BICD1: variants seen among roughly 807,000 people sequenced by gnomAD.
The protein encoded by BICD1 is protein bicaudal D homolog 1.
In BICD1, 35 loss-of-function variants were observed where a neutral mutation model predicts 92.5. That is an observed-to-expected ratio of 0.38 (90% CI 0.29 to 0.50). The LOEUF is 0.50. Among genes scored for constraint, BICD1 ranks in the 20% least tolerant of loss-of-function variants. The probability of loss-of-function intolerance (pLI) is 0.93; values close to 1 mark genes in which losing one functional copy is unlikely to be tolerated. For synonymous variants in BICD1, 429 were observed against 465.1 expected, an observed-to-expected ratio of 0.92 and a Z score of 1.00; for missense variants, 950 against 1,189.8, an observed-to-expected ratio of 0.80 and a Z score of 2.97.
rs1947611837 is a variant in BICD1, at chr12:32,287,745, G to A, written c.427-6249G>A. ...GTAGAAACGAGGTTTCACCGTGTTA[G>A]CCAGGATGATCTCGATCTCTTGACC... is the stretch of plus-strand genomic sequence containing the variant. On this transcript the variant is annotated intron_variant, in intron 2 of 9. Transcript: ENST00000652176. Among the ~76,000 whole-genome samples the A allele has an allele frequency of 2.0e-5, 3 of 152,246 alleles. No individual in the cohort carries two copies. The South Asian group carries it at 6.2e-4, about 32-fold the overall frequency.
At chr12:32,159,667 G>T (rs55802552) in intron 1 of BICD1, among the ~76,000 whole-genome samples, 8 of 152,078 alleles carry the variant, frequency 5.3e-5, no homozygotes, top group Non-Finnish European at 1.2e-4. Flanking sequence ...CCAGAGACCC[G>T]GTATTTGGTG....
At chr12:32,121,639 G>A (rs1233092580) in intron 1 of BICD1, among the ~76,000 whole-genome samples, 2 of 150,948 alleles carry the variant, frequency 1.3e-5, no homozygotes, top group Non-Finnish European at 3.0e-5. Flanking sequence ...AAAGCGCTGA[G>A]GTGGAAGGAT....
chr12:32,327,072 T>C (rs887381149), intron 4 of BICD1, among the ~76,000 whole-genome samples: 15 of 152,180 alleles, frequency 9.9e-5, no homozygotes, highest in African/African-American at 3.6e-4. Context: ...CAGTCACTTA[T>C]GATCTGAAAA....
intron 2 of BICD1, among the ~76,000 whole-genome samples, chr12:32,237,103 A>G (rs543511578): frequency 6.6e-6 from 1 of 151,914 alleles, no homozygotes; most frequent in Non-Finnish European, 1.5e-5. Flanking sequence ...TCTCGATCTG[A>G]TCTCCTGACC....
chr12:32,219,862 CCA>C (rs1416964853), intron 2 of BICD1, among the ~76,000 whole-genome samples: 1 of 151,992 alleles, frequency 6.6e-6, no homozygotes, highest in Non-Finnish European at 1.5e-5. Context: ...GCTACAGTAA[CCA>C]AAACAGCATG....
intron 8 of BICD1, among the ~76,000 whole-genome samples, chr12:32,360,669 A>G (rs1218382983): frequency 6.6e-6 from 1 of 152,200 alleles, no homozygotes; most frequent in African/African-American, 2.4e-5. Flanking sequence ...AGAGAAATCA[A>G]TTCTAGAGGA....
intron 1 of BICD1, among the ~76,000 whole-genome samples, chr12:32,199,859 T>C (rs535611233): frequency 1.3e-5 from 2 of 152,300 alleles, no homozygotes; most frequent in East Asian, 3.9e-4. Flanking sequence ...AAAACTCGTT[T>C]AATCCTAAAT....
Position 32,107,851 on chromosome 12 carries a change from T to C in BICD1, c.213+307T>C. On this transcript the variant is annotated intron_variant, in intron 1 of 9. Transcript: ENST00000652176. The stretch of plus-strand genomic sequence containing the variant: ...CGACATTCAAGTGGGTTGGAATGTA[T>C]AAATCAAACTTCTCAAAACCGCTGT... 3 of 640,480 alleles carry C rather than the reference T, an allele frequency of 4.7e-6. No homozygotes were observed. In the East Asian group the frequency reaches 8.2e-5, roughly 18 times the overall value. 39.7% of individuals were successfully genotyped at this position (640,480 alleles called of 1,614,324 possible).
At chr12:32,144,672 A>G (rs887778521) in intron 1 of BICD1, among the ~76,000 whole-genome samples, 1 of 152,256 alleles carries the variant, frequency 6.6e-6, no homozygotes, top group African/African-American at 2.4e-5. Flanking sequence ...TTAATATTCT[A>G]TCTACTTGCA....
chr12:32,334,634 C>G lies in BICD1; in HGVS notation c.2219C>G (p.Thr740Ser). 1.2e-6 allele frequency: 2 copies of G among 1,612,614 alleles called. No homozygotes were observed. Among genetic ancestry groups the G allele is most frequent in the Admixed American group, 3.3e-5 (2 of 59,838 alleles). Residue 740 changes from threonine (T) to serine (S), a missense_variant, in exon 6 of 10, where the codon ACC becomes AGC. Physicochemically the swap from Thr to Ser is moderately conservative, Grantham distance 58. This residue lies in a region of BICD1 where 309 missense variants were observed against 499.4 expected (regional missense o/e 0.62). Coordinates refer to ENST00000652176, the MANE Select transcript of BICD1 (RefSeq NM_001714.4). ...ELKALKEDAATFSSLRAMFAT... is the reference protein window; with the variant it reads ...ELKALKEDAASFSSLRAMFAT... The stretch of plus-strand genomic sequence containing the variant: ...AAGGCTTTGAAAGAAGATGCTGCAA[C>G]CTTCTCATCCCTGAGAGCAATGTTT...
intron 8 of BICD1, among the ~76,000 whole-genome samples, chr12:32,359,521 CATTA>C (rs1461229942): frequency 4.3e-5 from 2 of 46,736 alleles, no homozygotes; most frequent in Non-Finnish European, 1.2e-4. Flanking sequence ...CCCATGAATC[CATTA>C]ACCCATGAAT....
chr12:32,226,834 C>T (rs950300332), intron 2 of BICD1, among the ~76,000 whole-genome samples: 2 of 152,244 alleles, frequency 1.3e-5, no homozygotes, highest in African/African-American at 4.8e-5. Context: ...TCCCCAGCTG[C>T]GGTGACCTTG....
At chr12:32,148,857 T>C (rs767941871) in intron 1 of BICD1, among the ~76,000 whole-genome samples, 1 of 151,974 alleles carries the variant, frequency 6.6e-6, no homozygotes, top group African/African-American at 2.4e-5. Flanking sequence ...CTGTCTCTAC[T>C]AAAAATACAA....
rs71457608 is a variant in BICD1 at position 32,131,270 on chromosome 12, T to A, written c.213+23726T>A. Among the ~76,000 whole-genome samples the A allele has an allele frequency of 5.3e-3, 814 of 152,288 alleles. 5 individuals are homozygous for A. Among genetic ancestry groups the A allele is most frequent in the African/African-American group, 0.013 (524 of 41,566 alleles). On this transcript the variant is annotated intron_variant, in intron 1 of 9. Coordinates refer to ENST00000652176, the MANE Select transcript of BICD1 (RefSeq NM_001714.4). ...TAGTGCTTTCAAAGTGTGATTTTTT[T>A]AAAAAAATTATTTTTCTGTTGCCGT...
chr12:32,129,392 G>A (rs528867629), intron 1 of BICD1, among the ~76,000 whole-genome samples: 3 of 151,570 alleles, frequency 2.0e-5, no homozygotes, highest in Non-Finnish European at 4.4e-5. Flanking sequence ...AGGTATGGTG[G>A]CACATGCCTA....
chr12:32,365,814 T>G (rs187634405), intron 8 of BICD1, among the ~76,000 whole-genome samples: 3 of 152,322 alleles, frequency 2.0e-5, no homozygotes, highest in Admixed American at 2.0e-4. Context: ...ATGCATTCCT[T>G]AAGACTCTGA....
chr12:32,352,581 G>A (rs187890038), intron 8 of BICD1: 13 of 152,204 alleles, frequency 8.5e-5, no homozygotes, highest in African/African-American at 2.9e-4. Flanking sequence ...CTGCTCTGAT[G>A]CTGGTCATCT....
chr12:32,197,627 T>C (rs1308480765), intron 1 of BICD1, among the ~76,000 whole-genome samples: 1 of 152,222 alleles, frequency 6.6e-6, no homozygotes, highest in Non-Finnish European at 1.5e-5. Context: ...CCAATTAATA[T>C]GTATAGCTTA....
chr12:32,298,569 C>CAAAAAAAA (rs56382132), intron 3 of BICD1, among the ~76,000 whole-genome samples: 64 of 77,732 alleles, frequency 8.2e-4, no homozygotes, highest in South Asian at 1.0e-3. Context: ...CGATCCACCT[C>CAAAAAAAA]AAAAAAAAAA....
Sources: allele counts gnomAD v4.1 joint callset (sites outside exome capture counted in the v4.1 genomes callset), GRCh38; gene constraint gnomAD v4.1.1; regional missense constraint gnomAD v4.1.1; transcripts MANE v1.5; gene names NCBI Gene and HGNC (gene_info 2026-07-23, HGNC 2026-07-21).